MDGA2: variants seen among roughly 807,000 people sequenced by gnomAD.
MDGA2 encodes MAM domain containing glycosylphosphatidylinositol anchor 2, also known as MAM domain-containing glycosylphosphatidylinositol anchor protein 2.
A neutral mutation model predicts 117.8 loss-of-function variants in MDGA2; 40 were observed. That is an observed-to-expected ratio of 0.34 (90% CI 0.26 to 0.44). The LOEUF (loss-of-function observed/expected upper bound fraction) is 0.44. MDGA2 is among the 20% of genes least tolerant of loss of function. The probability of loss-of-function intolerance (pLI) is 1.00; values close to 1 mark genes in which losing one functional copy is unlikely to be tolerated. For synonymous variants in MDGA2, 452 were observed against 439.0 expected, an observed-to-expected ratio of 1.03 and a Z score of -0.37; for missense variants, 1,123 against 1,250.6, an observed-to-expected ratio of 0.90 and a Z score of 1.54.
intron 6 of MDGA2, among the ~76,000 whole-genome samples, chr14:47,063,587 TTC>T (rs1270143316): frequency 6.6e-6 from 1 of 152,000 alleles, no homozygotes; most frequent in Admixed American, 6.6e-5. Context: ...AAAATATATT[TTC>T]TGTTAAAAAC....
chr14:46,989,166 T>C (rs1322271441), intron 8 of MDGA2, among the ~76,000 whole-genome samples: 9 of 152,192 alleles, frequency 5.9e-5, no homozygotes, highest in Admixed American at 3.9e-4. Context: ...TCTAATACCA[T>C]TTCAAACTTC....
At chr14:47,189,217 C>G (rs566197055) in intron 3 of MDGA2, among the ~76,000 whole-genome samples, 1 of 152,096 alleles carries the variant, frequency 6.6e-6, no homozygotes, top group South Asian at 2.1e-4. Context: ...CTCCCTCCCC[C>G]ATCCATATAT....
rs11157537 is a variant in MDGA2, at chr14:47,072,112, G to T, written c.1196-10534C>A. 4.6e-3 allele frequency among the ~76,000 whole-genome samples: 490 copies of T among 107,046 alleles called. 42 individuals are homozygous for T. The East Asian group carries it at 0.084, about 18-fold the overall frequency. The allele number at this position is 107,046 out of a possible 152,430, so 70.2% of individuals were successfully genotyped here. ...TGGTTGTTGTTGTTTGGGGGGGGGGGGGTTTGCAGGTATTATATGTTGCAG... is the reference window on the plus strand; with the variant it reads ...TGGTTGTTGTTGTTTGGGGGGGGGGTGGTTTGCAGGTATTATATGTTGCAG... On this transcript the variant is annotated intron_variant, in intron 6 of 16. Transcript: ENST00000399232.
intron 2 of MDGA2, among the ~76,000 whole-genome samples, chr14:47,218,711 T>A (rs1445424805): frequency 6.6e-6 from 1 of 152,110 alleles, no homozygotes; most frequent in African/African-American, 2.4e-5. Context: ...TTTAAACACC[T>A]GGTTGTTTAA....
At chr14:46,906,678 C>T (rs1389375845) in intron 10 of MDGA2, among the ~76,000 whole-genome samples, 1 of 152,018 alleles carries the variant, frequency 6.6e-6, no homozygotes, top group African/African-American at 2.4e-5. Context: ...TTAATGTATC[C>T]TTTATAATAC....
intron 10 of MDGA2, among the ~76,000 whole-genome samples, chr14:46,890,439 G>A (rs1413026934): frequency 6.6e-6 from 1 of 152,026 alleles, no homozygotes; most frequent in African/African-American, 2.4e-5. Context: ...CTTTCAACTT[G>A]CATTTAGCTT....
In MDGA2 at chr14:46,876,824, T is replaced by C. The variant is rs539203262; in HGVS notation, c.2437+665A>G. Among the ~76,000 whole-genome samples, 10 of 151,742 alleles carry C rather than the reference T, an allele frequency of 6.6e-5. No homozygotes were observed. The East Asian group carries it at 1.9e-3, about 29-fold the overall frequency. ...ACCTTAAATTACAAATAAATAGCTC[T>C]GATTTTAGAATATGTCTTCATAGTA... On this transcript the variant is annotated intron_variant, in intron 12 of 16. Coordinates refer to ENST00000399232, the MANE Select transcript of MDGA2 (RefSeq NM_001113498.3).
chr14:46,969,951 T>C (rs1329522898), intron 8 of MDGA2, among the ~76,000 whole-genome samples: 494 of 23,896 alleles, frequency 0.021, 6 homozygotes, highest in Non-Finnish European at 0.033. Flanking sequence ...TATATATATA[T>C]ATATATATAT....
chr14:47,419,386 G>A (rs1188371251), intron 1 of MDGA2, among the ~76,000 whole-genome samples: 1 of 151,982 alleles, frequency 6.6e-6, no homozygotes, highest in African/African-American at 2.4e-5. Context: ...ATTGACCCAT[G>A]AGAAGTCATA....
At chr14:47,307,115 G>A (rs1424953854) in intron 1 of MDGA2, among the ~76,000 whole-genome samples, 1 of 152,038 alleles carries the variant, frequency 6.6e-6, no homozygotes, top group East Asian at 1.9e-4. Flanking sequence ...TCAATGATTG[G>A]TTTCTTCTGT....
intron 10 of MDGA2, among the ~76,000 whole-genome samples, chr14:46,894,793 T>A (rs1012572965): frequency 2.6e-5 from 4 of 152,164 alleles, no homozygotes; most frequent in Non-Finnish European, 4.4e-5. Flanking sequence ...CAAGAGACCA[T>A]GTGTAACAGT....
intron 1 of MDGA2, among the ~76,000 whole-genome samples, chr14:47,328,168 C>T (rs1418674760): frequency 6.6e-6 from 1 of 152,116 alleles, no homozygotes; most frequent in African/African-American, 2.4e-5. Context: ...CACTTGACAT[C>T]ACATAATTTT....
chr14:46,858,097 G>A (rs1423506987), intron 14 of MDGA2, among the ~76,000 whole-genome samples: 1 of 150,840 alleles, frequency 6.6e-6, no homozygotes, highest in East Asian at 1.9e-4. Context: ...TGATATTCTT[G>A]TATAGGTCAT....
chr14:47,105,389 T>C (rs1880597526), intron 5 of MDGA2, among the ~76,000 whole-genome samples: 3 of 151,532 alleles, frequency 2.0e-5, no homozygotes, highest in Non-Finnish European at 1.5e-5. Context: ...CCCTTCTCCG[T>C]GTCTCTACTC....
In MDGA2 at chr14:47,114,559, G is replaced by A. The variant is rs570341399; in HGVS notation, c.925+17155C>T. 2.0e-5 allele frequency among the ~76,000 whole-genome samples: 3 copies of A among 152,066 alleles called. No homozygotes were observed. The Middle Eastern group carries it at 0.01, about 517-fold the overall frequency. ...ACAGTAACCAAAACAGCAGGGTAGT[G>A]GTACAAAACAGACACATAGACCAAT... On this transcript the variant is annotated intron_variant, in intron 5 of 16. Transcript: ENST00000399232.
At chr14:47,179,872 A>G (rs963868311) in intron 3 of MDGA2, among the ~76,000 whole-genome samples, 2 of 152,128 alleles carry the variant, frequency 1.3e-5, no homozygotes, top group Non-Finnish European at 2.9e-5. Flanking sequence ...TTTTAGAACT[A>G]AATTTGGATA....
At chr14:47,082,329 A>G (rs996429803) in intron 6 of MDGA2, among the ~76,000 whole-genome samples, 1 of 30,056 alleles carries the variant, frequency 3.3e-5, no homozygotes, top group African/African-American at 2.0e-4. Context: ...AATTCCAGGG[A>G]AGGAAAAAAA....
intron 1 of MDGA2, among the ~76,000 whole-genome samples, chr14:47,566,321 C>A (rs868132315): frequency 2.0e-5 from 3 of 152,176 alleles, no homozygotes; most frequent in African/African-American, 7.2e-5. Flanking sequence ...AGCAAGCAGG[C>A]ACATCCAGGC....
chr14:47,201,656 A>C (rs533060321), intron 3 of MDGA2, among the ~76,000 whole-genome samples: 1 of 152,356 alleles, frequency 6.6e-6, no homozygotes, highest in African/African-American at 2.4e-5. Context: ...CTCAAAATGG[A>C]CAACACATAC....
Sources: gnomAD v4.1 joint callset for allele counts (sites outside exome capture counted in the v4.1 genomes callset) on GRCh38, gnomAD v4.1.1 for gene constraint, MANE v1.5 for transcripts, NCBI Gene and HGNC (gene_info 2026-07-23, HGNC 2026-07-21) for gene names.